The following PALD1 variants were observed in gnomAD, a reference collection of about 807,000 sequenced individuals.
PALD1 encodes the protein paladin.
A neutral mutation model predicts 96.0 loss-of-function variants in PALD1; 57 were observed. The observed-to-expected ratio is 0.59, with a 90% confidence interval of 0.48 to 0.74. PALD1 has a LOEUF of 0.74. Among genes scored for constraint, PALD1 ranks in the 30% least tolerant of loss-of-function variants. The pLI is 0.00. For missense variants in PALD1, 1,063 were observed against 1,143.7 expected, an observed-to-expected ratio of 0.93 and a Z score of 1.02; for synonymous variants, 464 against 473.6, an observed-to-expected ratio of 0.98 and a Z score of 0.26.
intron 6 of PALD1, 34 bp downstream of exon 6, chr10:70,532,815 G>A: frequency 1.2e-6 from 2 of 1,609,526 alleles, no homozygotes; most frequent in Non-Finnish European, 1.7e-6. Flanking sequence ...CTGGCCATGG[G>A]TGCTCCAGGT....
chr10:70,547,022 T>C (rs1847380150), intron 17 of PALD1, among the ~76,000 whole-genome samples: 1 of 152,224 alleles, frequency 6.6e-6, no homozygotes, highest in Admixed American at 6.5e-5. Context: ...CCATGCCTTT[T>C]TTAGATATTC....
At chr10:70,488,190 C>G (rs1464588602) in intron 1 of PALD1, among the ~76,000 whole-genome samples, 1 of 151,660 alleles carries the variant, frequency 6.6e-6, no homozygotes, top group Non-Finnish European at 1.5e-5. Context: ...GGCTCAGGGT[C>G]GACTCACTGC....
At chr10:70,463,529 T>C in the PALD1 span, among the ~76,000 whole-genome samples, 2 of 152,096 alleles carry the variant, frequency 1.3e-5, no homozygotes, top group Non-Finnish European at 1.5e-5. Flanking sequence ...GATTAATATC[T>C]AATTAATAAT....
At chr10:70,538,848 A>G in intron 12 of PALD1, 44 bp from the exon 13 acceptor site, 1 of 1,534,856 alleles carries the variant, frequency 6.5e-7, no homozygotes, top group Non-Finnish European at 9.0e-7. Context: ...TTCTGCGGCT[A>G]CAGTCGGCTG....
chr10:70,479,767 C>G (rs1214246028), intron 1 of PALD1, among the ~76,000 whole-genome samples: 1 of 152,206 alleles, frequency 6.6e-6, no homozygotes, highest in Non-Finnish European at 1.5e-5. Context: ...GGCCCAGGAA[C>G]CAACTCCTTG....
In PALD1 at chr10:70,541,095, C is replaced by T. The variant is rs776082765; in HGVS notation, c.1909-7C>T. The T allele has an allele frequency of 6.9e-6, 11 of 1,586,384 alleles. No homozygotes were observed. The highest frequency in any genetic ancestry group is 1.4e-5 in the African/African-American group (1 of 73,472). On this transcript the variant is annotated splice_region_variant and splice_polypyrimidine_tract_variant and intron_variant, in intron 15 of 19. Transcript: ENST00000263563. ...CCGCTGACCCAGACCTTGCTTTTCT[C>T]GTCCAGGACTTTGACCAGCTGCTGG...
At chr10:70,487,696 TA>T (rs565896089) in intron 1 of PALD1, among the ~76,000 whole-genome samples, 32 of 143,680 alleles carry the variant, frequency 2.2e-4, no homozygotes, top group East Asian at 7.9e-4. Flanking sequence ...TTTTTTTCTT[TA>T]AAAAAAAAAA....
chr10:70,497,469 GGGT>G (rs1207113783), intron 1 of PALD1, among the ~76,000 whole-genome samples: 2 of 152,234 alleles, frequency 1.3e-5, no homozygotes, highest in African/African-American at 4.8e-5. Context: ...CCAACTCTCT[GGGT>G]GGTGGTGCCT....
At chr10:70,477,598 C>A (rs61858132), upstream of PALD1, among the ~76,000 whole-genome samples, 10,236 of 152,198 alleles carry the variant, frequency 0.067, 393 homozygotes, top group South Asian at 0.18. Context: ...CTTATAACTT[C>A]GCGAGGCACT....
chr10:70,560,777 T>G (rs1564713024), intron 18 of PALD1, among the ~76,000 whole-genome samples: 1 of 151,990 alleles, frequency 6.6e-6, no homozygotes, highest in Non-Finnish European at 1.5e-5. Context: ...CCCGGCCACC[T>G]CTCCTGGCCC....
chr10:70,546,454 T>C (rs768779422), intron 17 of PALD1, among the ~76,000 whole-genome samples: 5 of 152,184 alleles, frequency 3.3e-5, no homozygotes, highest in Non-Finnish European at 5.9e-5. Context: ...CACTTCTTGA[T>C]TGTGGCTCTC....
intron 1 of PALD1, among the ~76,000 whole-genome samples, chr10:70,506,480 C>T (rs182555193): frequency 9.9e-5 from 15 of 152,266 alleles, no homozygotes; most frequent in Admixed American, 2.6e-4. Context: ...GACAGATGCA[C>T]GGCTGAGCAC....
At chr10:70,472,880 A>G in the PALD1 span, among the ~76,000 whole-genome samples, 1 of 152,200 alleles carries the variant, frequency 6.6e-6, no homozygotes, top group South Asian at 2.1e-4. Context: ...CACAACTCCT[A>G]TTATGAACTT....
At chr10:70,566,552 C>A in intron 19 of PALD1, 29 bp from the exon 20 acceptor site, 2 of 1,576,530 alleles carry the variant, frequency 1.3e-6, no homozygotes, top group South Asian at 2.3e-5. Flanking sequence ...TCCCCTGAAA[C>A]ACTGCTCCTG....
At chr10:70,524,620 C>T (rs564102708) in intron 1 of PALD1, among the ~76,000 whole-genome samples, 1 of 152,280 alleles carries the variant, frequency 6.6e-6, no homozygotes, top group South Asian at 2.1e-4. Context: ...GGTGTCTGTC[C>T]CTTGGACTCA....
chr10:70,557,982 G>A (rs1479336328), intron 18 of PALD1, among the ~76,000 whole-genome samples: 1 of 127,382 alleles, frequency 7.9e-6, no homozygotes, highest in Non-Finnish European at 1.6e-5. Flanking sequence ...CACCCAGGCT[G>A]CAGTGCAGTG....
intron 1 of PALD1, among the ~76,000 whole-genome samples, chr10:70,479,324 G>C (rs4747033): frequency 0.06 from 9,158 of 152,248 alleles, 994 homozygotes; most frequent in East Asian, 0.51. Flanking sequence ...GCATGGCCTG[G>C]TGACAATTCC....
chr10:70,490,790 G>A (rs1382130535), intron 1 of PALD1, among the ~76,000 whole-genome samples: 1 of 152,196 alleles, frequency 6.6e-6, no homozygotes, highest in East Asian at 1.9e-4. Flanking sequence ...GATGGGACGG[G>A]TTGGGGTAAT....
At chr10:70,542,100 G>T (rs919215842) in intron 17 of PALD1, among the ~76,000 whole-genome samples, 1 of 152,102 alleles carries the variant, frequency 6.6e-6, no homozygotes, top group Admixed American at 6.6e-5. Context: ...GTTGGCTCGT[G>T]TCTTACTGGT....
Sources: allele counts gnomAD v4.1 joint callset (sites outside exome capture counted in the v4.1 genomes callset), GRCh38; gene constraint gnomAD v4.1.1; transcripts MANE v1.5; gene names NCBI Gene and HGNC (gene_info 2026-07-23, HGNC 2026-07-21).